RBFOX1: variants seen among roughly 807,000 people sequenced by gnomAD.
RBFOX1 encodes RNA binding fox-1 homolog 1.
In RBFOX1, 8 loss-of-function variants were observed where a neutral mutation model predicts 57.7. The ratio of observed to expected loss-of-function variants is 0.14; its 90% CI spans 0.08 to 0.25. The LOEUF is 0.25. Ranked by LOEUF, RBFOX1 falls within the 10% of genes least tolerant of loss-of-function variation. The probability of loss-of-function intolerance (pLI) is 1.00; values close to 1 mark genes in which losing one functional copy is unlikely to be tolerated. For missense variants in RBFOX1, 611 were observed against 548.5 expected (o/e 1.11, Z -1.14); for synonymous variants, 326 against 222.4 (o/e 1.47, Z -4.15).
chr16:6,513,922 G>C (rs1347034983), intron 2 of RBFOX1, among the ~76,000 whole-genome samples: 2 of 152,118 alleles, frequency 1.3e-5, no homozygotes, highest in Admixed American at 6.5e-5. Context: ...TCCCCAAGTG[G>C]AAAACGGGCT....
chr16:7,572,564 G>T (rs1460633246), intron 5 of RBFOX1, among the ~76,000 whole-genome samples: 1 of 152,178 alleles, frequency 6.6e-6, no homozygotes, highest in Non-Finnish European at 1.5e-5. Context: ...AATAGGCTGG[G>T]CGCGGTGGCT....
intron 4 of RBFOX1, among the ~76,000 whole-genome samples, chr16:7,269,584 T>G (rs1393212783): frequency 6.6e-6 from 1 of 152,222 alleles, no homozygotes; most frequent in East Asian, 1.9e-4. Context: ...TACCATGCCA[T>G]GAATCATTTT....
At chr16:6,367,259 T>TTTTG (rs1399486731) in intron 2 of RBFOX1, among the ~76,000 whole-genome samples, 1 of 141,164 alleles carries the variant, frequency 7.1e-6, no homozygotes, top group Non-Finnish European at 1.5e-5. Context: ...TGTTTGTTTG[T>TTTTG]TTTGTTTTGT....
chr16:7,189,424 TCAAAAAA>T (rs2084778129), intron 4 of RBFOX1, among the ~76,000 whole-genome samples: 2 of 35,488 alleles, frequency 5.6e-5, no homozygotes, highest in African/African-American at 2.7e-4. Context: ...AGACTCCCTC[TCAAAAAA>T]AAAAAAAAAA....
At chr16:7,318,809 C>T (rs1313564966) in intron 4 of RBFOX1, among the ~76,000 whole-genome samples, 5 of 152,190 alleles carry the variant, frequency 3.3e-5, no homozygotes, top group South Asian at 2.1e-4. Flanking sequence ...ATGTGTTCTG[C>T]GTAGAACAGG....
At chr16:7,144,417 C>CTTCTTTTTTTTTTTTTTTTTT (rs3046798) in intron 4 of RBFOX1, among the ~76,000 whole-genome samples, 6 of 66,928 alleles carry the variant, frequency 9.0e-5, no homozygotes, top group African/African-American at 1.8e-4. Context: ...TTTCTTTCTT[C>CTTCTTTTTTTTTTTTTTTTTT]TTTTTTTTTT....
chr16:5,598,694 G>C (rs1482855456), intron 2 of RBFOX1, among the ~76,000 whole-genome samples: 1 of 152,144 alleles, frequency 6.6e-6, no homozygotes, highest in African/African-American at 2.4e-5. Flanking sequence ...CTAGCCACGG[G>C]GCTTTGTAGC....
At chr16:7,110,883 AG>A (rs1422949683) in intron 4 of RBFOX1, among the ~76,000 whole-genome samples, 3 of 152,182 alleles carry the variant, frequency 2.0e-5, no homozygotes, top group African/African-American at 7.2e-5. Flanking sequence ...TCCCAGGGTC[AG>A]CTGTGATATA....
At chr16:7,608,194 C>G (rs2056727090) in intron 10 of RBFOX1, among the ~76,000 whole-genome samples, 1 of 152,172 alleles carries the variant, frequency 6.6e-6, no homozygotes, top group African/African-American at 2.4e-5. Flanking sequence ...GAGCCACTCC[C>G]TTAGTAACCT....
At chr16:6,594,284 C>A (rs1484865605) in intron 2 of RBFOX1, among the ~76,000 whole-genome samples, 1 of 152,184 alleles carries the variant, frequency 6.6e-6, no homozygotes, top group African/African-American at 2.4e-5. Flanking sequence ...ACAGAACCAT[C>A]TAGACAGCCA....
In RBFOX1 at chr16:6,459,984, C is replaced by CAAAAAAAAAAAAAAAA. The variant is rs149424076; in HGVS notation, c.-64+142956_-64+142971dup. On this transcript the variant is annotated intron_variant, in intron 2 of 15. Coordinates refer to ENST00000550418, the MANE Select transcript of RBFOX1 (RefSeq NM_018723.4). ...GGGCAACAAGAGTGAAACTCCATCT[C>CAAAAAAAAAAAAAAAA]AAAAAAAAAAAAAAAAAAAAAAAAA... Among the ~76,000 whole-genome samples, 52 of 47,682 alleles carry CAAAAAAAAAAAAAAAA rather than the reference C, an allele frequency of 1.1e-3. 7 individuals are homozygous for CAAAAAAAAAAAAAAAA. Among genetic ancestry groups the CAAAAAAAAAAAAAAAA allele is most frequent in the Non-Finnish European group, 1.7e-3 (43 of 24,692 alleles). The allele number at this position is 47,682 out of a possible 152,430, so 31.3% of individuals were successfully genotyped here.
intron 4 of RBFOX1, among the ~76,000 whole-genome samples, chr16:7,116,658 C>T (rs952971589): frequency 6.6e-6 from 1 of 152,140 alleles, no homozygotes; most frequent in Non-Finnish European, 1.5e-5. Flanking sequence ...ATTCATGTGA[C>T]TTGGTGGAAT....
intron 3 of RBFOX1, among the ~76,000 whole-genome samples, chr16:7,029,287 C>T (rs1034921995): frequency 9.8e-6 from 1 of 102,272 alleles, no homozygotes; most frequent in Non-Finnish European, 2.0e-5. Flanking sequence ...TATATATACA[C>T]ATATATATAT....
At chr16:5,883,314 C>G (rs879304874) in intron 4 of RBFOX1, among the ~76,000 whole-genome samples, 92 of 152,140 alleles carry the variant, frequency 6.0e-4, no homozygotes, top group Admixed American at 5.0e-3. Context: ...AGAAAAATCT[C>G]TCTTACCCCG....
chr16:7,123,048 G>C (rs1003558659), intron 4 of RBFOX1, among the ~76,000 whole-genome samples: 2 of 152,168 alleles, frequency 1.3e-5, no homozygotes, highest in South Asian at 4.1e-4. Flanking sequence ...ATTAGGGGTT[G>C]GGGGGAGGGT....
intron 4 of RBFOX1, among the ~76,000 whole-genome samples, chr16:7,069,173 A>G (rs2056802369): frequency 6.6e-6 from 1 of 151,596 alleles, no homozygotes; most frequent in Non-Finnish European, 1.5e-5. Context: ...ATATTTTTTA[A>G]TCCTTTAATT....
intron 2 of RBFOX1, among the ~76,000 whole-genome samples, chr16:5,563,946 T>G (rs2045974256): frequency 6.6e-6 from 1 of 152,196 alleles, no homozygotes; most frequent in African/African-American, 2.4e-5. Flanking sequence ...ATGACCTAGA[T>G]GTGGTTAGGA....
At chr16:6,213,678 C>T (rs925805652) in intron 1 of RBFOX1, among the ~76,000 whole-genome samples, 1 of 152,202 alleles carries the variant, frequency 6.6e-6, no homozygotes, top group African/African-American at 2.4e-5. Flanking sequence ...AGAAGAAATA[C>T]TGGATGGTTT....
At chr16:7,435,458 T>TC (rs1295070920) in intron 4 of RBFOX1, among the ~76,000 whole-genome samples, 1 of 152,220 alleles carries the variant, frequency 6.6e-6, no homozygotes, top group African/African-American at 2.4e-5. Flanking sequence ...GTCTCATTTT[T>TC]CCTCTCTTTG....
Sources: gnomAD v4.1 joint callset for allele counts (sites outside exome capture counted in the v4.1 genomes callset) on GRCh38, gnomAD v4.1.1 for gene constraint, MANE v1.5 for transcripts, NCBI Gene and HGNC (gene_info 2026-07-23, HGNC 2026-07-21) for gene names.